Variants in DNAH11 observed in about 807,000 individuals in gnomAD.
The protein encoded by DNAH11 is axonemal beta dynein heavy chain 11.
DNAH11 carries 442 observed loss-of-function variants against 526.0 expected under a neutral mutation model. The ratio of observed to expected loss-of-function variants is 0.84; its 90% CI spans 0.78 to 0.91. DNAH11 has a LOEUF of 0.91. Ranked by LOEUF, DNAH11 falls within the 40% of genes least tolerant of loss-of-function variation. The pLI is 0.00. For missense variants in DNAH11, 6,989 were observed against 5,448.7 expected, an observed-to-expected ratio of 1.28 and a Z score of -8.90; for synonymous variants, 2,461 against 1,935.9, an observed-to-expected ratio of 1.27 and a Z score of -7.12.
chr7:21,790,007 C>G (rs1207800407), intron 61 of DNAH11, among the ~76,000 whole-genome samples: 1 of 145,968 alleles, frequency 6.9e-6, no homozygotes, highest in Non-Finnish European at 1.5e-5. Flanking sequence ...CTGCTCCTAT[C>G]AACCAATCAC....
At chr7:21,792,149 T>G (rs1331385105) in intron 61 of DNAH11, among the ~76,000 whole-genome samples, 2 of 152,132 alleles carry the variant, frequency 1.3e-5, no homozygotes, top group Non-Finnish European at 2.9e-5. Context: ...TTGTTGAGTG[T>G]TTTTTTAGCA....
chr7:21,865,717 A>G (rs1236295836), intron 70 of DNAH11, among the ~76,000 whole-genome samples: 1 of 152,240 alleles, frequency 6.6e-6, no homozygotes, highest in African/African-American at 2.4e-5. Context: ...CTCGTGCAAG[A>G]AAGAATTCAG....
At chr7:21,592,090 G>T (rs748969382) in intron 14 of DNAH11, among the ~76,000 whole-genome samples, 1 of 152,092 alleles carries the variant, frequency 6.6e-6, no homozygotes, top group Admixed American at 6.6e-5. Context: ...ACAAAAGGCA[G>T]AAGGCAGGAA....
At chr7:21,692,238 G>A (rs1183107080) in intron 35 of DNAH11, among the ~76,000 whole-genome samples, 1 of 152,258 alleles carries the variant, frequency 6.6e-6, no homozygotes, top group East Asian at 1.9e-4. Context: ...AAACATTCAG[G>A]TATAATTTAA....
rs1583469159 is a variant in DNAH11, at chr7:21,545,034, T to G, written c.380T>G (p.Val127Gly). Reference protein sequence around the residue: ...EIPRDANHKLVFISKKITESI... With the variant: ...EIPRDANHKLGFISKKITESI... ...CCAAGAGATGCAAACCATAAACTTG[T>G]TTTTATTTCCAAGAAGATTACTGAA... Residue 127 changes from valine (V) to glycine (G), a missense_variant, in exon 2 of 82, where the codon GTT (valine) becomes GGT (glycine). By Grantham distance (109) the Val-to-Gly change is moderately radical (BLOSUM62 -3). Transcript: ENST00000409508. The G allele has an allele frequency of 1.9e-6, 3 of 1,594,942 alleles. No individual in the cohort carries two copies.
At chr7:21,544,904 GT>G in intron 1 of DNAH11, 101 bp from the exon 2 acceptor site, 1 of 999,394 alleles carries the variant, frequency 1.0e-6, no homozygotes, top group African/African-American at 1.7e-5. Flanking sequence ...AAGATGCCAG[GT>G]TTTGTTTCTT....
intron 68 of DNAH11, among the ~76,000 whole-genome samples, chr7:21,856,936 TTCTC>T (rs1392528020): frequency 2.0e-5 from 3 of 152,226 alleles, no homozygotes; most frequent in South Asian, 4.1e-4. Flanking sequence ...AAGGATATCT[TTCTC>T]TCAGCACATC....
chr7:21,829,500 A>G lies in DNAH11; in HGVS notation c.10691+11161A>G, dbSNP rs1168127168. 2.6e-5 allele frequency among the ~76,000 whole-genome samples: 4 copies of G among 152,226 alleles called. No individual in the cohort carries two copies. In the East Asian group the frequency reaches 7.7e-4, roughly 29 times the overall value. On this transcript the variant is annotated intron_variant, in intron 65 of 81. Transcript: ENST00000409508. ...AGCCATTTCTAATAAAGCCACTTCT[A>G]ATAAAGACTCTGGTCTACCACAATA...
intron 30 of DNAH11, among the ~76,000 whole-genome samples, chr7:21,670,411 C>T (rs1782598579): frequency 6.6e-6 from 1 of 152,040 alleles, no homozygotes. Flanking sequence ...TTACTTAGTA[C>T]ATTTAGTAGT....
intron 12 of DNAH11, among the ~76,000 whole-genome samples, chr7:21,590,166 T>C (rs2128443282): frequency 6.6e-6 from 1 of 152,270 alleles, no homozygotes; most frequent in Admixed American, 6.5e-5. Context: ...TTTATGTATG[T>C]GTATGTGTAT....
intron 14 of DNAH11, among the ~76,000 whole-genome samples, chr7:21,593,818 G>A (rs1784773689): frequency 1.3e-5 from 2 of 151,914 alleles, no homozygotes; most frequent in South Asian, 4.2e-4. Context: ...CTTCTCTATA[G>A]ACCAGCACAG....
intron 2 of DNAH11, among the ~76,000 whole-genome samples, chr7:21,546,709 C>T (rs533298785): frequency 4.6e-5 from 7 of 152,260 alleles, no homozygotes; most frequent in Middle Eastern, 3.4e-3. Context: ...TTATGTATCA[C>T]GTTGGCCCAC....
chr7:21,861,415 G>C (rs150963826), intron 68 of DNAH11, among the ~76,000 whole-genome samples: 2 of 152,248 alleles, frequency 1.3e-5, no homozygotes, highest in East Asian at 1.9e-4. Context: ...TGCATTAAAC[G>C]GTATAATTTA....
At chr7:21,731,713 AT>A (rs1378546736) in intron 45 of DNAH11, among the ~76,000 whole-genome samples, 1 of 152,182 alleles carries the variant, frequency 6.6e-6, no homozygotes, top group African/African-American at 2.4e-5. Flanking sequence ...AAGATAAGCA[AT>A]TTATAAGTTA....
rs1785722742 is a variant in DNAH11, at chr7:21,738,577, A to AG, written c.7646-120dup. On this transcript the variant is annotated intron_variant, in intron 46 of 81. Coordinates refer to ENST00000409508, the MANE Select transcript of DNAH11 (RefSeq NM_001277115.2). ...ACATCCCGGGTCTCTTAACCTATGA[A>AG]GGGGCGATACCTGAAACCACAGGGT... 9 of 930,450 alleles carry AG rather than the reference A, an allele frequency of 9.7e-6. No homozygotes were observed. In the South Asian group the frequency reaches 1.6e-4, roughly 17 times the overall value. 57.6% of individuals were successfully genotyped at this position (930,450 alleles called of 1,614,324 possible).
intron 51 of DNAH11, among the ~76,000 whole-genome samples, chr7:21,747,912 A>T (rs550654123): frequency 1.3e-5 from 2 of 152,348 alleles, no homozygotes; most frequent in African/African-American, 4.8e-5. Context: ...TTGGGTGCTG[A>T]TGTGGAATTC....
At position 21,725,861 on chromosome 7, in the gene DNAH11, A is replaced by G; in HGVS notation, c.7317A>G (p.Lys2439=). 1 of 1,611,864 alleles carries G rather than the reference A, an allele frequency of 6.2e-7. No homozygotes were observed. Among genetic ancestry groups the G allele is most frequent in the Non-Finnish European group, 8.5e-7 (1 of 1,178,992 alleles). The part of the protein sequence containing the change: ...DFSRWWQKEM[K]AVKFPSQGTI... ...GTCGGTGGTGGCAGAAAGAGATGAAAGCAGTGAAATTTCCGTCGCAGGGAA... is the reference window on the plus strand; with the variant it reads ...GTCGGTGGTGGCAGAAAGAGATGAAGGCAGTGAAATTTCCGTCGCAGGGAA... Residue 2439 remains lysine, a synonymous_variant, in exon 45 of 82, where the codon AAA becomes AAG. Coordinates refer to ENST00000409508, the MANE Select transcript of DNAH11 (RefSeq NM_001277115.2).
intron 61 of DNAH11, among the ~76,000 whole-genome samples, chr7:21,794,391 G>C (rs887610197): frequency 1.3e-5 from 2 of 152,114 alleles, no homozygotes; most frequent in Non-Finnish European, 2.9e-5. Flanking sequence ...TCTTTCTAGA[G>C]TATGTTTGCT....
chr7:21,788,876 G>A lies in DNAH11; in HGVS notation c.9925-365G>A, dbSNP rs546588918. Among the ~76,000 whole-genome samples, 58 of 152,202 alleles carry A rather than the reference G, an allele frequency of 3.8e-4. 1 individual carries two copies. The highest frequency in any genetic ancestry group is 1.6e-3 in the Admixed American group (25 of 15,290). On this transcript the variant is annotated intron_variant, in intron 60 of 81. Coordinates refer to ENST00000409508, the MANE Select transcript of DNAH11 (RefSeq NM_001277115.2). Reference sequence around the variant, plus strand: ...ATCTTAATGGTGTTTGACTTATATCGCATTTTATGCAAGTACTTGTAACTC... The same window carrying A: ...ATCTTAATGGTGTTTGACTTATATCACATTTTATGCAAGTACTTGTAACTC...
Sources: allele counts gnomAD v4.1 joint callset (sites outside exome capture counted in the v4.1 genomes callset), GRCh38; gene constraint gnomAD v4.1.1; transcripts MANE v1.5; gene names NCBI Gene and HGNC (gene_info 2026-07-23, HGNC 2026-07-21).